ME3: variants seen among roughly 807,000 people sequenced by gnomAD.
ME3 encodes NADP-dependent malic enzyme, mitochondrial.
In ME3, 48 loss-of-function variants were observed where a neutral mutation model predicts 68.9. The ratio of observed to expected loss-of-function variants is 0.70; its 90% CI spans 0.55 to 0.89. The LOEUF (loss-of-function observed/expected upper bound fraction) is 0.89. Ranked by LOEUF, ME3 falls within the 40% of genes least tolerant of loss-of-function variation. The pLI, the probability that ME3 is intolerant of heterozygous loss-of-function variation, is 0.00. For missense variants in ME3, 675 were observed against 797.4 expected, an observed-to-expected ratio of 0.85 and a Z score of 1.85; for synonymous variants, 320 against 318.8, an observed-to-expected ratio of 1.00 and a Z score of -0.04.
At chr11:86,585,025 G>C (rs1313297795) in intron 2 of ME3, among the ~76,000 whole-genome samples, 2 of 152,084 alleles carry the variant, frequency 1.3e-5, no homozygotes, top group Non-Finnish European at 2.9e-5. Context: ...AGTTAATTAG[G>C]CCAAGTGGTG....
chr11:86,558,820 C>A (rs944969339), intron 3 of ME3, among the ~76,000 whole-genome samples: 1 of 152,224 alleles, frequency 6.6e-6, no homozygotes, highest in African/African-American at 2.4e-5. Flanking sequence ...ATCCTCATAA[C>A]AACCCTATGA....
intron 6 of ME3, among the ~76,000 whole-genome samples, chr11:86,494,557 TCCTAGACAGGGGTACTCTGGTCCCTCCC>T (rs754725838): frequency 3.3e-5 from 5 of 152,134 alleles, no homozygotes; most frequent in Non-Finnish European, 5.9e-5. Flanking sequence ...TGTTCCCTCC[TCCTAGACAGGGGTACTCTGGTCCCTCCC>T]TGACATAAGG....
intron 4 of ME3, among the ~76,000 whole-genome samples, chr11:86,530,545 A>G (rs1420799242): frequency 3.9e-5 from 6 of 152,350 alleles, no homozygotes; most frequent in South Asian, 2.1e-4. Flanking sequence ...TGCCAAGACA[A>G]TCCTAAGCCA....
At chr11:86,508,820 A>T (rs779674472) in exon 5 of ME3, 2 of 1,613,486 alleles carry the variant, frequency 1.2e-6, no homozygotes, top group Non-Finnish European at 1.7e-6. Flanking sequence ...CCAAGAATTC[A>T]GCATTGTTGC....
intron 8 of ME3, among the ~76,000 whole-genome samples, chr11:86,453,601 A>G (rs1168233362): frequency 1.3e-5 from 2 of 152,230 alleles, no homozygotes; most frequent in Non-Finnish European, 2.9e-5. Flanking sequence ...TAAAATTTGA[A>G]TTTTAGATAA....
At chr11:86,476,583 C>T (rs1951093820) in intron 7 of ME3, among the ~76,000 whole-genome samples, 1 of 152,048 alleles carries the variant, frequency 6.6e-6, no homozygotes, top group African/African-American at 2.4e-5. Flanking sequence ...GTTTGAAAGG[C>T]CCAAGTAACA....
chr11:86,528,217 T>C (rs1181366759), intron 4 of ME3, among the ~76,000 whole-genome samples: 1 of 152,128 alleles, frequency 6.6e-6, no homozygotes, highest in African/African-American at 2.4e-5. Context: ...TAATCTCTGA[T>C]AAAACAGGCT....
At chr11:86,668,224 C>A (rs1946698725) in intron 2 of ME3, 2 of 152,058 alleles carry the variant, frequency 1.3e-5, no homozygotes, top group African/African-American at 4.8e-5. Flanking sequence ...TGCTTGGCTT[C>A]TTCCTTGGCT....
At chr11:86,488,286 T>C (rs1951810492) in intron 6 of ME3, among the ~76,000 whole-genome samples, 3 of 152,328 alleles carry the variant, frequency 2.0e-5, no homozygotes, top group Non-Finnish European at 4.4e-5. Flanking sequence ...AGGCAGAATT[T>C]CATTGAAGTA....
intron 2 of ME3, among the ~76,000 whole-genome samples, chr11:86,568,286 C>T (rs1274939704): frequency 6.6e-6 from 1 of 152,168 alleles, no homozygotes; most frequent in East Asian, 1.9e-4. Flanking sequence ...GTGTAGTCCC[C>T]ACCTGCTCTG....
intron 2 of ME3, among the ~76,000 whole-genome samples, chr11:86,611,814 A>C (rs1371941581): frequency 6.6e-6 from 1 of 152,186 alleles, no homozygotes. Flanking sequence ...TGGGGGTATT[A>C]ATAGCTACCA....
At chr11:86,461,675 T>C (rs559570747) in intron 8 of ME3, among the ~76,000 whole-genome samples, 10 of 152,282 alleles carry the variant, frequency 6.6e-5, no homozygotes, top group African/African-American at 2.4e-4. Flanking sequence ...TCTCTCTCTC[T>C]GAGGCTCTGC....
At chr11:86,469,057 G>A (rs376080597) in intron 7 of ME3, among the ~76,000 whole-genome samples, 1 of 150,444 alleles carries the variant, frequency 6.6e-6, no homozygotes, top group Non-Finnish European at 1.5e-5. Context: ...AGCCTTACAG[G>A]TTCTTAAAAA....
chr11:86,574,426 ATGTTGTTGT>A (rs1165710991), intron 2 of ME3, among the ~76,000 whole-genome samples: 1 of 120,354 alleles, frequency 8.3e-6, no homozygotes, highest in Non-Finnish European at 1.7e-5. Context: ...TTTTTTGTTG[ATGTTGTTGT>A]TGTTGTTGTA....
chr11:86,488,014 C>CA (rs1304669782), intron 6 of ME3, among the ~76,000 whole-genome samples: 1 of 152,090 alleles, frequency 6.6e-6, no homozygotes, highest in Non-Finnish European at 1.5e-5. Context: ...CCCATCTCTA[C>CA]AAAAAATTTT....
At chr11:86,642,402 C>G (rs1384084632) in intron 2 of ME3, among the ~76,000 whole-genome samples, 1 of 152,142 alleles carries the variant, frequency 6.6e-6, no homozygotes, top group Non-Finnish European at 1.5e-5. Context: ...TGCCATCTCA[C>G]GCAACAATGT....
chr11:86,437,365 G>A (rs1324414136), downstream of ME3: 1 of 152,120 alleles, frequency 6.6e-6, no homozygotes, highest in Non-Finnish European at 1.5e-5. Flanking sequence ...GGACCACACA[G>A]CCTTGATCAT....
chr11:86,602,542 T>C (rs368422666), intron 2 of ME3, among the ~76,000 whole-genome samples: 1 of 151,988 alleles, frequency 6.6e-6, no homozygotes, highest in Non-Finnish European at 1.5e-5. Flanking sequence ...AGGTAATTTA[T>C]AGATTCAATG....
In ME3 at chr11:86,637,678, G is replaced by A. The variant is rs1223733847; in HGVS notation, c.183+34084C>T. Among the ~76,000 whole-genome samples the A allele has an allele frequency of 6.6e-5, 10 of 152,250 alleles. No individual in the cohort carries two copies. In the East Asian group the frequency reaches 1.9e-3, roughly 29 times the overall value. ...GCGTTGTGCTAAGGAGTTTAACTTT[G>A]TGCTGTAGGTGGGAGGAAGCACAGG... On this transcript the variant is annotated intron_variant, in intron 2 of 14. Coordinates refer to ENST00000543262, the Ensembl canonical transcript of ME3.
Sources: allele counts gnomAD v4.1 joint callset (sites outside exome capture counted in the v4.1 genomes callset), GRCh38; gene constraint gnomAD v4.1.1; transcripts MANE v1.5; gene names NCBI Gene and HGNC (gene_info 2026-07-23, HGNC 2026-07-21).